DTWD2: variants seen among roughly 807,000 people sequenced by gnomAD.
DTWD2 encodes the protein tRNA-uridine aminocarboxypropyltransferase 2.
Under a neutral mutation model 31.8 loss-of-function variants are expected in DTWD2, and 39 were observed. The ratio of observed to expected loss-of-function variants is 1.22; its 90% CI spans 0.95 to 1.60. The LOEUF is 1.60. Ranked by LOEUF, DTWD2 falls within the 40% of genes most tolerant of loss-of-function variation. The pLI is 0.00. For synonymous variants in DTWD2, 180 were observed against 142.8 expected (o/e 1.26, Z -1.86); for missense variants, 515 against 381.5 (o/e 1.35, Z -2.92).
chr5:118,887,705 A>C (rs1752897268), intron 4 of DTWD2, among the ~76,000 whole-genome samples: 1 of 152,116 alleles, frequency 6.6e-6, no homozygotes, highest in Non-Finnish European at 1.5e-5. Flanking sequence ...CGCAGCCTCA[A>C]ACTCCTGGGC....
chr5:118,908,853 G>A (rs547712861), intron 4 of DTWD2, among the ~76,000 whole-genome samples: 51 of 152,248 alleles, frequency 3.3e-4, no homozygotes, highest in African/African-American at 1.1e-3. Context: ...CAAAGTAGGA[G>A]ATACCAGCCT....
At chr5:118,894,040 CAAAAA>C (rs201404024) in intron 4 of DTWD2, among the ~76,000 whole-genome samples, 1 of 96,840 alleles carries the variant, frequency 1.0e-5, no homozygotes. Flanking sequence ...GACTCTGTCT[CAAAAA>C]AAAAAAAAAA....
At chr5:118,931,041 A>T (rs1372164432) in intron 3 of DTWD2, among the ~76,000 whole-genome samples, 1 of 152,140 alleles carries the variant, frequency 6.6e-6, no homozygotes, top group Non-Finnish European at 1.5e-5. Flanking sequence ...TGTGAATTAC[A>T]TCTCAATAAA....
chr5:118,953,454 T>C (rs1416856190), intron 1 of DTWD2, among the ~76,000 whole-genome samples: 1 of 152,190 alleles, frequency 6.6e-6, no homozygotes, highest in Non-Finnish European at 1.5e-5. Flanking sequence ...GCATGAAAAT[T>C]TGACCTTCCC....
intron 1 of DTWD2, among the ~76,000 whole-genome samples, chr5:118,963,130 T>C (rs1424883113): frequency 6.6e-6 from 1 of 152,186 alleles, no homozygotes; most frequent in Non-Finnish European, 1.5e-5. Context: ...TAAGGATATG[T>C]GGTTAAAGAT....
intron 1 of DTWD2, among the ~76,000 whole-genome samples, chr5:118,959,709 A>T (rs1303826903): frequency 6.6e-6 from 1 of 152,226 alleles, no homozygotes; most frequent in Non-Finnish European, 1.5e-5. Flanking sequence ...AAACTATACT[A>T]TAATGCTACA....
At chr5:118,966,903 G>A (rs1754863540) in intron 1 of DTWD2, among the ~76,000 whole-genome samples, 1 of 151,926 alleles carries the variant, frequency 6.6e-6, no homozygotes, top group South Asian at 2.1e-4. Context: ...GGTGGCAGGT[G>A]CCTGTAAGTC....
chr5:118,842,537 C>G (rs1374830129), intron 5 of DTWD2, among the ~76,000 whole-genome samples: 1 of 152,136 alleles, frequency 6.6e-6, no homozygotes, highest in Non-Finnish European at 1.5e-5. Flanking sequence ...AAGCTGCATT[C>G]CCAGTCAGGA....
intron 1 of DTWD2, among the ~76,000 whole-genome samples, chr5:118,958,457 G>T (rs990278082): frequency 2.0e-5 from 3 of 148,850 alleles, no homozygotes; most frequent in Non-Finnish European, 4.5e-5. Context: ...GACTCCGTCT[G>T]AAAAACAACA....
Position 118,879,779 on chromosome 5 carries a change from A to G in DTWD2, c.598-31561T>C, listed in dbSNP as rs190976382. Among the ~76,000 whole-genome samples, 150 of 152,194 alleles carry G rather than the reference A, an allele frequency of 9.9e-4. 1 individual carries two copies. The highest frequency in any genetic ancestry group is 3.2e-3 in the African/African-American group (134 of 41,520). The stretch of plus-strand genomic sequence containing the variant: ...AGAACACAGGAATACATAGAGGGAA[A>G]CAACACACATTGGGGCCTACTGGAG... On this transcript the variant is annotated intron_variant, in intron 4 of 5. Transcript: ENST00000510708.
intron 4 of DTWD2, among the ~76,000 whole-genome samples, chr5:118,908,433 T>C (rs1181781333): frequency 6.6e-6 from 1 of 152,136 alleles, no homozygotes; most frequent in Admixed American, 6.5e-5. Context: ...CTGGGTAAAC[T>C]ATGGCTCAGA....
chr5:118,941,676 T>C (rs1321159833), intron 2 of DTWD2, among the ~76,000 whole-genome samples: 1 of 152,234 alleles, frequency 6.6e-6, no homozygotes, highest in African/African-American at 2.4e-5. Flanking sequence ...TGATTTATAT[T>C]CCTTTGGGTA....
At chr5:118,898,741 A>C (rs1037142042) in intron 4 of DTWD2, among the ~76,000 whole-genome samples, 1 of 152,118 alleles carries the variant, frequency 6.6e-6, no homozygotes, top group Non-Finnish European at 1.5e-5. Flanking sequence ...ACGAAAATCT[A>C]CAGTATGGTA....
chr5:118,913,554 C>G (rs920310137), intron 4 of DTWD2, among the ~76,000 whole-genome samples: 3 of 151,506 alleles, frequency 2.0e-5, no homozygotes, highest in African/African-American at 7.3e-5. Context: ...CAAAACCAAA[C>G]TGTATTTCAC....
intron 4 of DTWD2, among the ~76,000 whole-genome samples, chr5:118,925,110 G>T (rs1753781421): frequency 6.6e-6 from 1 of 152,118 alleles, no homozygotes; most frequent in African/African-American, 2.4e-5. Context: ...AGAAGTCAGG[G>T]TTCCATTGTT....
chr5:118,911,179 A>C (rs1680655291), intron 4 of DTWD2, among the ~76,000 whole-genome samples: 1 of 152,220 alleles, frequency 6.6e-6, no homozygotes, highest in Admixed American at 6.5e-5. Flanking sequence ...TTCTCAAAAG[A>C]AGAAATTCAT....
At chr5:118,904,392 T>C (rs1232847405) in intron 4 of DTWD2, among the ~76,000 whole-genome samples, 1 of 152,126 alleles carries the variant, frequency 6.6e-6, no homozygotes, top group Non-Finnish European at 1.5e-5. Flanking sequence ...TAGAAAAATT[T>C]CCATGGCATA....
At chr5:118,873,163 A>G (rs1752544156) in intron 4 of DTWD2, among the ~76,000 whole-genome samples, 1 of 152,220 alleles carries the variant, frequency 6.6e-6, no homozygotes, top group Admixed American at 6.5e-5. Flanking sequence ...AGCTGCTTAG[A>G]GAACCCAGAG....
chr5:118,881,248 T>C (rs1187736931), intron 4 of DTWD2, among the ~76,000 whole-genome samples: 1 of 152,218 alleles, frequency 6.6e-6, no homozygotes, highest in Non-Finnish European at 1.5e-5. Context: ...CACAAGAATT[T>C]GATTCAACTG....
Sources: gnomAD v4.1 joint callset for allele counts (sites outside exome capture counted in the v4.1 genomes callset) on GRCh38, gnomAD v4.1.1 for gene constraint, MANE v1.5 for transcripts, NCBI Gene and HGNC (gene_info 2026-07-23, HGNC 2026-07-21) for gene names.